Variants in SIM1 observed in about 807,000 individuals in gnomAD.
SIM1 encodes single-minded homolog 1.
A neutral mutation model predicts 78.2 loss-of-function variants in SIM1; 18 were observed. The ratio of observed to expected loss-of-function variants is 0.23; its 90% CI spans 0.16 to 0.34. The LOEUF (loss-of-function observed/expected upper bound fraction) is 0.34. SIM1 is among the 10% of genes least tolerant of loss of function. SIM1 has a pLI of 1.00. For missense variants in SIM1, 939 were observed against 975.1 expected (o/e 0.96, Z 0.49); for synonymous variants, 417 against 385.2 (o/e 1.08, Z -0.97).
chr6:100,418,298 A>T (rs1239014959), intron 10 of SIM1, among the ~76,000 whole-genome samples: 7 of 151,986 alleles, frequency 4.6e-5, no homozygotes, highest in Non-Finnish European at 8.8e-5. Context: ...TTGAGGCTGC[A>T]GTGAGCTAGG....
At chr6:100,421,759 T>C (rs1215795309) in intron 9 of SIM1, among the ~76,000 whole-genome samples, 2 of 152,164 alleles carry the variant, frequency 1.3e-5, no homozygotes, top group African/African-American at 4.8e-5. Context: ...AGATACAACC[T>C]CTGCTGGCTT....
Position 100,448,218 on chromosome 6 carries a change from G to A in SIM1, c.778C>T (p.Leu260=), listed in dbSNP as rs1772412564. The part of the protein sequence containing the change: ...AELTGYEPQD[L]IEKTLYHHVH... ...TGGTGGTACAGAGTCTTCTCAATCAGGTCCTGAGGTTCGTACCCCGTCAGC... is the reference window on the plus strand; with the variant it reads ...TGGTGGTACAGAGTCTTCTCAATCAAGTCCTGAGGTTCGTACCCCGTCAGC... The change falls in exon 8 of 12, where the codon CTG becomes TTG. Residue 260 remains leucine (L), a synonymous_variant. Transcript: ENST00000369208. The A allele has an allele frequency of 6.2e-7, 1 of 1,613,860 alleles. No individual in the cohort carries two copies. The highest frequency in any genetic ancestry group is 8.5e-7 in the Non-Finnish European group (1 of 1,179,958).
Position 100,438,579 on chromosome 6 carries a change from A to G in SIM1, c.998+8689T>C, listed in dbSNP as rs142919286. Among the ~76,000 whole-genome samples the G allele has an allele frequency of 5.9e-3, 899 of 152,346 alleles. 7 individuals are homozygous for G. Among genetic ancestry groups the G allele is most frequent in the African/African-American group, 0.02 (832 of 41,590 alleles). On this transcript the variant is annotated intron_variant, in intron 9 of 11. Coordinates refer to ENST00000369208, the MANE Select transcript of SIM1 (RefSeq NM_005068.3). ...CATTCCTTAAGGAACTAACAGTAGA[A>G]CTACCATTTGATCCAGCAATCCCAC... is the stretch of plus-strand genomic sequence containing the variant.
At chr6:100,459,860 G>A (rs1422624500) in intron 2 of SIM1, among the ~76,000 whole-genome samples, 1 of 152,160 alleles carries the variant, frequency 6.6e-6, no homozygotes, top group Non-Finnish European at 1.5e-5. Context: ...TAACAAATAT[G>A]TATGTCTTTC....
rs564186207 is a variant in SIM1, at chr6:100,457,113, G to C, written c.176-3269C>G. Reference sequence around the variant, plus strand: ...ATTGATAGAGCTTTTCCTTCGGAATGAATTTAATACCCTTGACAAAATATA... The same window carrying C: ...ATTGATAGAGCTTTTCCTTCGGAATCAATTTAATACCCTTGACAAAATATA... On this transcript the variant is annotated intron_variant, in intron 2 of 11. Transcript: ENST00000369208. 1.7e-4 allele frequency among the ~76,000 whole-genome samples: 26 copies of C among 152,328 alleles called. No individual in the cohort carries two copies. In the East Asian group the frequency reaches 5.0e-3, roughly 29 times the overall value.
chr6:100,459,543 CTT>C (rs372405079), intron 2 of SIM1, among the ~76,000 whole-genome samples: 2 of 152,144 alleles, frequency 1.3e-5, no homozygotes, highest in African/African-American at 4.8e-5. Context: ...CATGGGGCCT[CTT>C]TTTCTTTTTC....
At chr6:100,424,160 A>C (rs944302678) in intron 9 of SIM1, among the ~76,000 whole-genome samples, 14 of 148,534 alleles carry the variant, frequency 9.4e-5, no homozygotes, top group Admixed American at 8.9e-4. Context: ...CTTCAAATTA[A>C]ATAGGTTTAA....
At chr6:100,453,965 C>G (rs1296057086) in intron 2 of SIM1, 121 bp from the exon 3 acceptor site, 1 of 614,340 alleles carries the variant, frequency 1.6e-6, no homozygotes, top group Non-Finnish European at 2.7e-6. Context: ...CATAGGGGAT[C>G]CCTCTCAAAG....
rs1233435013 is a variant in SIM1, at chr6:100,449,428, A to G, written c.478T>C (p.Phe160Leu). 6.2e-7 allele frequency: 1 copy of G among 1,614,122 alleles called. No homozygotes were observed. The highest frequency in any genetic ancestry group is 1.1e-5 in the South Asian group (1 of 91,078). Reference protein sequence around the residue: ...FVQEYEIERSFFLRMKCVLAK... With the variant: ...FVQEYEIERSLFLRMKCVLAK... The stretch of plus-strand genomic sequence containing the variant: ...AAGACGCACTTCATCCTCAGGAAGA[A>G]GGAGCGCTCGATCTCATACTCTGGG... Residue 160 changes from phenylalanine to leucine, a missense_variant, in exon 6 of 12, where the codon TTC becomes CTC. Phe to Leu is a conservative substitution (Grantham distance 22). Around this residue, in one of 5 missense-constraint regions of SIM1, gnomAD observed 187 missense variants for 191.6 expected, o/e 0.98. Coordinates refer to ENST00000369208, the MANE Select transcript of SIM1 (RefSeq NM_005068.3).
chr6:100,448,040 G>C, intron 8 of SIM1, 106 bp downstream of exon 8: 1 of 869,374 alleles, frequency 1.2e-6, no homozygotes, highest in South Asian at 1.7e-5. Context: ...CCGGCTCCCT[G>C]GGCTCCCACC....
Position 100,393,741 on chromosome 6 carries a change from A to G in SIM1, c.1316T>C (p.Phe439Ser), listed in dbSNP as rs1322721861. ...QHDASCAYRQ[F>S]SDRSSLCYGF... ...ATAGCAGAGAGAGCTGCGGTCCGAA[A>G]ACTGTCTGTAGGCGCACGATGCGTC... is the stretch of plus-strand genomic sequence containing the variant. Residue 439 changes from phenylalanine (F) to serine (S), a missense_variant, in exon 11 of 12, where the codon TTT becomes TCT. Phe to Ser is a radical substitution (Grantham distance 155). Transcript: ENST00000369208. 2 of 1,614,208 alleles carry G rather than the reference A, an allele frequency of 1.2e-6. No homozygotes were observed. The highest frequency in any genetic ancestry group is 2.2e-5 in the South Asian group (2 of 91,076).
At chr6:100,460,454 G>A (rs1772811787) in intron 2 of SIM1, among the ~76,000 whole-genome samples, 1 of 152,148 alleles carries the variant, frequency 6.6e-6, no homozygotes, top group African/African-American at 2.4e-5. Context: ...CTATAGCTAT[G>A]TCACCAGATT....
intron 10 of SIM1, among the ~76,000 whole-genome samples, chr6:100,395,342 G>C (rs773649091): frequency 1.7e-4 from 26 of 152,004 alleles, no homozygotes; most frequent in Non-Finnish European, 2.9e-4. Flanking sequence ...ACATAATATA[G>C]CTCCATTTAA....
chr6:100,392,718 C>T (rs1770671088), intron 11 of SIM1, among the ~76,000 whole-genome samples: 1 of 152,200 alleles, frequency 6.6e-6, no homozygotes, highest in African/African-American at 2.4e-5. Context: ...TCAGATCAAT[C>T]CTAATGTCAC....
intron 9 of SIM1, among the ~76,000 whole-genome samples, chr6:100,441,496 C>A (rs1772215030): frequency 6.6e-6 from 1 of 152,220 alleles, no homozygotes; most frequent in African/African-American, 2.4e-5. Context: ...TGCATCACAT[C>A]TGACTTGGTT....
intron 10 of SIM1, among the ~76,000 whole-genome samples, chr6:100,414,200 C>G (rs1771338783): frequency 6.6e-6 from 1 of 152,236 alleles, no homozygotes; most frequent in Non-Finnish European, 1.5e-5. Context: ...ACACCACTGT[C>G]TGCCCCTTGC....
chr6:100,461,846 T>TTC (rs1562066350), intron 2 of SIM1, among the ~76,000 whole-genome samples: 2 of 148,480 alleles, frequency 1.3e-5, no homozygotes, highest in African/African-American at 5.0e-5. Context: ...TCTTTCTTTT[T>TTC]TTTTTTTTTT....
At chr6:100,458,007 T>C (rs1772719610) in intron 2 of SIM1, among the ~76,000 whole-genome samples, 1 of 2,644 alleles carries the variant, frequency 3.8e-4, no homozygotes, top group Non-Finnish European at 9.3e-4. Flanking sequence ...TCTCTCTCTT[T>C]CTCTCTCTCT....
At chr6:100,464,557 C>G (rs537755477) in intron 1 of SIM1, 57 bp downstream of exon 1, 1 of 152,164 alleles carries the variant, frequency 6.6e-6, no homozygotes, top group Non-Finnish European at 1.5e-5. Flanking sequence ...CTCTCCCACA[C>G]CACCGCGGAG....
Sources: gnomAD v4.1 joint callset for allele counts (sites outside exome capture counted in the v4.1 genomes callset) on GRCh38, gnomAD v4.1.1 for gene constraint, gnomAD v4.1.1 regional missense constraint, MANE v1.5 for transcripts, NCBI Gene and HGNC (gene_info 2026-07-23, HGNC 2026-07-21) for gene names.